Variants in PFKL observed in about 807,000 individuals in gnomAD.
PFKL encodes ATP-dependent 6-phosphofructokinase, liver type.
Under a neutral mutation model 92.1 loss-of-function variants are expected in PFKL, and 74 were observed. That is an observed-to-expected ratio of 0.80 (90% CI 0.67 to 0.97). The LOEUF is 0.97. Ranked by LOEUF, PFKL falls within the 50% of genes least tolerant of loss-of-function variation. The probability of loss-of-function intolerance (pLI) is 0.00; values close to 1 mark genes in which losing one functional copy is unlikely to be tolerated. For missense variants in PFKL, 1,028 were observed against 1,116.6 expected (o/e 0.92, Z 1.13); for synonymous variants, 494 against 456.4 (o/e 1.08, Z -1.05).
chr21:44,305,859 G>A (rs1245224531), intron 1 of PFKL: 2 of 1,366,336 alleles, frequency 1.5e-6, no homozygotes, highest in African/African-American at 3.0e-5. Context: ...GCAGTCCTGG[G>A]AGCCGAGGGC....
At chr21:44,322,287 C>T in intron 14 of PFKL, 84 bp downstream of exon 14, 1 of 1,328,184 alleles carries the variant, frequency 7.5e-7, no homozygotes, top group Non-Finnish European at 1.0e-6. Context: ...GCAAGGGGAA[C>T]CCAGCCCGGG....
In PFKL at chr21:44,318,366, G is replaced by A. The variant is rs182761666; in HGVS notation, c.937-104G>A. On this transcript the variant is annotated intron_variant, in intron 9 of 21. Transcript: ENST00000349048. ...ACCTGTTCTGGAAGCTTCCGTCAGC[G>A]TGGGGGGCTCTGGAAGCTGGGGTTT... 34 of 1,262,756 alleles carry A rather than the reference G, an allele frequency of 2.7e-5. No homozygotes were observed. In the Admixed American group the frequency reaches 2.9e-4, roughly 11 times the overall value. 78.2% of individuals were successfully genotyped at this position (1,262,756 alleles called of 1,614,324 possible).
intron 2 of PFKL, 145 bp from the exon 3 acceptor site, chr21:44,310,861 C>G (rs552238914): frequency 1.6e-6 from 1 of 624,120 alleles, no homozygotes; most frequent in East Asian, 2.8e-5. Context: ...ACCCTGTTAC[C>G]CAGGCCCTGG....
At chr21:44,319,295 C>A in intron 10 of PFKL, 56 bp from the exon 11 acceptor site, 1 of 1,465,968 alleles carries the variant, frequency 6.8e-7, no homozygotes, top group Non-Finnish European at 9.6e-7. Context: ...AGGGCAGTAG[C>A]CATGGGTGTG....
At position 44,327,030 on chromosome 21, in the gene PFKL, G is replaced by T. The variant is rs2073436; in HGVS notation, c.*168G>T. 73 of 640,402 alleles carry T rather than the reference G, an allele frequency of 1.1e-4. No individual in the cohort carries two copies. Among genetic ancestry groups the T allele is most frequent in the East Asian group, 1.1e-3 (40 of 36,448 alleles). 39.7% of individuals were successfully genotyped at this position (640,402 alleles called of 1,614,324 possible). ...CCTGGCCACCTGCCAGGCCTCCCTC[G>T]GGCTGGTGTCTTGAGACCAGCCTGC... On this transcript the variant is annotated 3_prime_UTR_variant, in exon 22 of 22. Transcript: ENST00000349048.
intron 5 of PFKL, 148 bp downstream of exon 5, chr21:44,313,291 G>A: frequency 1.1e-6 from 1 of 923,304 alleles, no homozygotes; most frequent in Admixed American, 2.5e-5. Context: ...CCAGCTGGGG[G>A]AACGCACAGC....
chr21:44,318,684 A>G, intron 10 of PFKL, 89 bp downstream of exon 10: 1 of 1,207,686 alleles, frequency 8.3e-7, no homozygotes, highest in South Asian at 2.2e-5. Context: ...GGGCCCCAGC[A>G]CTGTGAGCAC....
chr21:44,313,399 T>C (rs559373644), intron 5 of PFKL, among the ~76,000 whole-genome samples: 1 of 152,284 alleles, frequency 6.6e-6, no homozygotes, highest in East Asian at 1.9e-4. Flanking sequence ...CCAAAGGAAG[T>C]CCTGGGCTGG....
At chr21:44,313,572 G>A (rs571846290) in intron 5 of PFKL, 66 bp from the exon 6 acceptor site, 14 of 1,517,352 alleles carry the variant, frequency 9.2e-6, no homozygotes, top group African/African-American at 4.1e-5. Flanking sequence ...TGAGCACCCC[G>A]CAGGGAATCG....
rs937060870 is a variant in PFKL at position 44,304,419 on chromosome 21, CCT to C, written c.86-2258_86-2257del. On this transcript the variant is annotated intron_variant, in intron 1 of 21. Coordinates refer to ENST00000349048, the MANE Select transcript of PFKL (RefSeq NM_002626.6). Reference sequence around the variant, plus strand: ...GGTGGCCTGGGTGCGCTGCTCCTGCCCTCTCCTTGCCCTGCCTCAGCTGCTGC... The same window carrying C: ...GGTGGCCTGGGTGCGCTGCTCCTGCCCTCCTTGCCCTGCCTCAGCTGCTGC... 4.0e-6 allele frequency: 5 copies of C among 1,238,236 alleles called. No individual in the cohort carries two copies. The African/African-American group carries it at 6.3e-5, about 16-fold the overall frequency. The allele number at this position is 1,238,236 out of a possible 1,614,324, so 76.7% of individuals were successfully genotyped here.
chr21:44,321,638 T>G (rs2047356563), intron 12 of PFKL, 91 bp from the exon 13 acceptor site: 2 of 1,368,716 alleles, frequency 1.5e-6, no homozygotes, highest in East Asian at 5.3e-5. Context: ...TGGCCCCTTT[T>G]TCCAGAACCT....
At position 44,313,635 on chromosome 21, in the gene PFKL, C is replaced by T; in HGVS notation, c.594-3C>T. The T allele has an allele frequency of 1.2e-6, 2 of 1,611,756 alleles. No individual in the cohort carries two copies. Among genetic ancestry groups the T allele is most frequent in the Non-Finnish European group, 8.5e-7 (1 of 1,179,464 alleles). ...GATGCATCCTCCTGTTCCATCTCCA[C>T]AGCCACCAGAGGACCTTCGTGCTGG... is the stretch of plus-strand genomic sequence containing the variant. On this transcript the variant is annotated splice_region_variant and splice_polypyrimidine_tract_variant and intron_variant, in intron 5 of 21. Coordinates refer to ENST00000349048, the MANE Select transcript of PFKL (RefSeq NM_002626.6).
At chr21:44,310,854 C>G (rs2047021099) in intron 2 of PFKL, 152 bp from the exon 3 acceptor site, 1 of 614,288 alleles carries the variant, frequency 1.6e-6, no homozygotes, top group African/African-American at 1.8e-5. Flanking sequence ...CACCCGGACC[C>G]TGTTACCCAG....
intron 12 of PFKL, chr21:44,321,025 A>C (rs2047341597): frequency 6.6e-6 from 1 of 152,278 alleles, no homozygotes; most frequent in South Asian, 2.1e-4. Flanking sequence ...GTGGTGGGGC[A>C]ACCTGGTCTC....
At chr21:44,326,517 C>T (rs372813391) in intron 21 of PFKL, among the ~76,000 whole-genome samples, 198 bp from the exon 22 acceptor site, 5 of 151,998 alleles carry the variant, frequency 3.3e-5, no homozygotes, top group Admixed American at 1.3e-4. Flanking sequence ...CGCTTGAGGG[C>T]GGCTGAGGCT....
At chr21:44,317,883 CTG>C (rs1038751388) in intron 9 of PFKL, among the ~76,000 whole-genome samples, 2 of 152,236 alleles carry the variant, frequency 1.3e-5, no homozygotes, top group Non-Finnish European at 2.9e-5. Flanking sequence ...GGAGGGCTGT[CTG>C]TGGCCCCGGG....
rs113882527 is a variant in PFKL, at chr21:44,313,270, G to A, written c.593+127G>A. ...GGTAGCCCCAGCATCCAGGCCAGCC[G>A]CCCTCAGCCCCCAGCTGGGGGAACG... On this transcript the variant is annotated intron_variant, in intron 5 of 21. Coordinates refer to ENST00000349048, the MANE Select transcript of PFKL (RefSeq NM_002626.6). The A allele has an allele frequency of 4.0e-4, 431 of 1,064,854 alleles. 3 individuals are homozygous for A. In the African/African-American group the frequency reaches 5.5e-3, roughly 14 times the overall value. 66.0% of individuals were successfully genotyped at this position (1,064,854 alleles called of 1,614,324 possible). A position where few individuals can be genotyped will look rare whatever the true frequency, so the allele number is the denominator to read the frequency against.
At chr21:44,317,065 C>T (rs1032707062) in intron 9 of PFKL, among the ~76,000 whole-genome samples, 9 of 152,210 alleles carry the variant, frequency 5.9e-5, no homozygotes, top group Non-Finnish European at 1.3e-4. Flanking sequence ...GGCCTGGCCT[C>T]GCCGTCCTTG....
In PFKL at chr21:44,312,296, T is replaced by G. The variant is rs1602016806; in HGVS notation, c.427+2T>G. 6.3e-7 allele frequency: 1 copy of G among 1,586,386 alleles called. No individual in the cohort carries two copies. The highest frequency in any genetic ancestry group is 2.4e-5 in the East Asian group (1 of 42,420). On this transcript the variant is annotated splice_donor_variant, in intron 4 of 21. Transcript: ENST00000349048. LOFTEE classifies it high-confidence loss of function. The stretch of plus-strand genomic sequence containing the variant: ...TGCTGGAGGAGCTGGTGGCGGAAGG[T>G]GGGTCTGTGCCCGGCGCACTGTAGG...
Sources: allele counts gnomAD v4.1 joint callset (sites outside exome capture counted in the v4.1 genomes callset), GRCh38; gene constraint gnomAD v4.1.1; transcripts MANE v1.5; gene names NCBI Gene and HGNC (gene_info 2026-07-23, HGNC 2026-07-21).